Variants in NXN observed in about 807,000 individuals in gnomAD.
NXN encodes the protein nucleoredoxin.
In NXN, 16 loss-of-function variants were observed where a neutral mutation model predicts 48.6. The ratio of observed to expected loss-of-function variants is 0.33; its 90% CI spans 0.22 to 0.50. The LOEUF (loss-of-function observed/expected upper bound fraction) is 0.50. NXN is among the 20% of genes least tolerant of loss of function. NXN has a pLI of 0.98. For missense variants in NXN, 492 were observed against 605.5 expected (o/e 0.81, Z 1.97); for synonymous variants, 281 against 269.6 (o/e 1.04, Z -0.41).
chr17:841,583 C>T lies in NXN; in HGVS notation c.361-15505G>A, dbSNP rs368410065. ...TCCCCCCTGACCACGGAGCATCTCA[C>T]GCCGGCGAGCAGGTCCCCCCGACCA... is the stretch of plus-strand genomic sequence containing the variant. On this transcript the variant is annotated intron_variant, in intron 1 of 7. Transcript: ENST00000336868. Among the ~76,000 whole-genome samples the T allele has an allele frequency of 6.6e-4, 49 of 73,918 alleles. 3 individuals carry two copies. The highest frequency in any genetic ancestry group is 2.4e-3 in the South Asian group (6 of 2,512). The allele number at this position is 73,918 out of a possible 152,430, so 48.5% of individuals were successfully genotyped here.
intron 1 of NXN, among the ~76,000 whole-genome samples, chr17:828,114 GT>G (rs534786863): frequency 1.6e-3 from 245 of 151,768 alleles, no homozygotes; most frequent in Non-Finnish European, 2.6e-3. Flanking sequence ...TTGTTTTTTG[GT>G]TTTTTTTAAA....
rs373104202 is a variant in NXN, at chr17:945,299, C to T, written c.360+34020G>A. On this transcript the variant is annotated intron_variant, in intron 1 of 7. Transcript: ENST00000336868. ...GTTTCACCATGTTGGCCAGGCTGGT[C>T]TCCAACTCCTGACCTCAGGTGATCC... Among the ~76,000 whole-genome samples, 11 of 151,468 alleles carry T rather than the reference C, an allele frequency of 7.3e-5. No individual in the cohort carries two copies. In the East Asian group the frequency reaches 9.9e-4, roughly 14 times the overall value.
chr17:815,600 G>GT (rs1228354134), intron 5 of NXN, among the ~76,000 whole-genome samples: 1 of 149,242 alleles, frequency 6.7e-6, no homozygotes, highest in Non-Finnish European at 1.5e-5. Flanking sequence ...ATGAGGGCGA[G>GT]TGTCCACTCT....
chr17:859,953 T>C (rs535929787), intron 1 of NXN, among the ~76,000 whole-genome samples: 79 of 152,140 alleles, frequency 5.2e-4, no homozygotes, highest in African/African-American at 1.9e-3. Flanking sequence ...AGACCCTTCC[T>C]TTGTAAGCAT....
intron 1 of NXN, among the ~76,000 whole-genome samples, chr17:860,110 T>A (rs1036239423): frequency 3.3e-5 from 5 of 150,608 alleles, no homozygotes; most frequent in Admixed American, 6.6e-5. Flanking sequence ...CTTTTAACTT[T>A]AAAAAATTTA....
intron 1 of NXN, among the ~76,000 whole-genome samples, chr17:964,944 C>T (rs775832325): frequency 1.3e-5 from 2 of 152,180 alleles, no homozygotes; most frequent in Non-Finnish European, 2.9e-5. Flanking sequence ...CCTCAGGCTC[C>T]ATTAATGCCC....
chr17:804,976 G>C (rs1318614135), intron 6 of NXN, 92 bp downstream of exon 6: 9 of 1,360,602 alleles, frequency 6.6e-6, no homozygotes, highest in Non-Finnish European at 9.2e-6. Context: ...TGGTGACAGA[G>C]AGAAGCGGCA....
intron 1 of NXN, among the ~76,000 whole-genome samples, chr17:899,703 T>C (rs945756699): frequency 3.3e-5 from 5 of 152,136 alleles, no homozygotes; most frequent in Admixed American, 2.0e-4. Flanking sequence ...TAAAAAAAGC[T>C]TCCTGCAGGG....
At chr17:806,938 A>ATG (rs1567808780) in intron 5 of NXN, among the ~76,000 whole-genome samples, 75 of 151,448 alleles carry the variant, frequency 5.0e-4, no homozygotes, top group African/African-American at 1.8e-3. Flanking sequence ...ACACACACAC[A>ATG]CACACACACG....
At chr17:843,014 A>AGAAAGAG (rs1914442115) in intron 1 of NXN, among the ~76,000 whole-genome samples, 63 of 83,986 alleles carry the variant, frequency 7.5e-4, no homozygotes, top group Non-Finnish European at 8.4e-4. Context: ...GAGAGAAAGA[A>AGAAAGAG]AGAAAGAAAG....
rs1364997201 is a variant in NXN, at chr17:805,049, G to A, written c.1000+19C>T. 2.0e-6 allele frequency: 3 copies of A among 1,525,398 alleles called. No individual in the cohort carries two copies. The highest frequency in any genetic ancestry group is 2.5e-5 in the East Asian group (1 of 40,492). 94.5% of individuals were successfully genotyped at this position (1,525,398 alleles called of 1,614,324 possible). On this transcript the variant is annotated intron_variant, in intron 6 of 7. Coordinates refer to ENST00000336868, the MANE Select transcript of NXN (RefSeq NM_022463.5). ...GCCCCCCAGCCACCCCTCGCCCCCTGCCCCCGTGAGCTTCATACCTACAAA... is the reference window on the plus strand; with the variant it reads ...GCCCCCCAGCCACCCCTCGCCCCCTACCCCCGTGAGCTTCATACCTACAAA...
At chr17:875,146 C>T (rs1228484250) in intron 1 of NXN, among the ~76,000 whole-genome samples, 2 of 152,008 alleles carry the variant, frequency 1.3e-5, no homozygotes, top group Non-Finnish European at 2.9e-5. Context: ...ATTCTTGTGC[C>T]TCGGCCTCTG....
At chr17:868,791 C>T (rs113798080) in intron 1 of NXN, among the ~76,000 whole-genome samples, 6,110 of 152,244 alleles carry the variant, frequency 0.04, 157 homozygotes, top group Non-Finnish European at 0.063. Flanking sequence ...CGCACCCGGT[C>T]GAAACTACCT....
rs558528236 is a variant in NXN at position 846,453 on chromosome 17, T to A, written c.361-20375A>T. On this transcript the variant is annotated intron_variant, in intron 1 of 7. Transcript: ENST00000336868. ...AAAAGAAAAGAAAAAAGAAAAAAAA[T>A]TTTAAGGAAATTGAACACACGAACA... Among the ~76,000 whole-genome samples, 137 of 143,678 alleles carry A rather than the reference T, an allele frequency of 9.5e-4. 1 individual carries two copies. Among genetic ancestry groups the A allele is most frequent in the Admixed American group, 1.0e-3 (15 of 14,500 alleles). 94.3% of individuals were successfully genotyped at this position (143,678 alleles called of 152,430 possible).
At chr17:945,607 G>A (rs1185455973) in intron 1 of NXN, among the ~76,000 whole-genome samples, 2 of 148,190 alleles carry the variant, frequency 1.3e-5, no homozygotes, top group Non-Finnish European at 3.0e-5. Context: ...CTCCAGCCTG[G>A]GCGAGAGAGT....
intron 2 of NXN, among the ~76,000 whole-genome samples, chr17:824,249 G>A (rs182521940): frequency 0.03 from 3,377 of 114,162 alleles, 64 homozygotes; most frequent in Non-Finnish European, 0.043. Context: ...GGGTTTCACC[G>A]TGTTAGCCAG....
chr17:973,032 A>C (rs76598024), intron 1 of NXN, among the ~76,000 whole-genome samples: 3 of 132,874 alleles, frequency 2.3e-5, no homozygotes, highest in Admixed American at 2.1e-4. Context: ...CTGCGTCTCA[A>C]AAAAAAAAAA....
chr17:841,116 C>T (rs1914150518), intron 1 of NXN, among the ~76,000 whole-genome samples: 1 of 152,212 alleles, frequency 6.6e-6, no homozygotes, highest in South Asian at 2.1e-4. Flanking sequence ...GGGGCACCTC[C>T]CTGCTAGGGT....
chr17:979,409 G>C lies in NXN; in HGVS notation c.270C>G (p.Phe90Leu), dbSNP rs2069509528. ...PEPRRRLEIV[F>L]VSSDQDQRQW... is the part of the protein sequence containing the mutation. ...GCCGCTGGTCCTGGTCCGAGGACAC[G>C]AAGACGATCTCCAGGCGCCGCCGCG... The change falls in exon 1 of 8, where the codon TTC (phenylalanine) becomes TTG (leucine). Residue 90 changes from phenylalanine to leucine, a missense_variant. Physicochemically the swap from Phe to Leu is conservative, Grantham distance 22. Around this residue, in one of 3 missense-constraint regions of NXN, gnomAD observed 186 missense variants for 199.1 expected, o/e 0.93. Transcript: ENST00000336868. 2.8e-6 allele frequency: 4 copies of C among 1,418,118 alleles called. No individual in the cohort carries two copies. Among genetic ancestry groups the C allele is most frequent in the Non-Finnish European group, 3.7e-6 (4 of 1,073,940 alleles). 87.8% of individuals were successfully genotyped at this position (1,418,118 alleles called of 1,614,324 possible). A position where few individuals can be genotyped will look rare whatever the true frequency, so the allele number is the denominator to read the frequency against.
Sources: gnomAD v4.1 joint callset for allele counts (sites outside exome capture counted in the v4.1 genomes callset) on GRCh38, gnomAD v4.1.1 for gene constraint, gnomAD v4.1.1 regional missense constraint, MANE v1.5 for transcripts, NCBI Gene and HGNC (gene_info 2026-07-23, HGNC 2026-07-21) for gene names.